The following SAFB2 variants were observed in gnomAD, a reference collection of about 807,000 sequenced individuals.
The protein encoded by SAFB2 is scaffold attachment factor B2.
In SAFB2, 32 loss-of-function variants were observed where a neutral mutation model predicts 100.6. The ratio of observed to expected loss-of-function variants is 0.32; its 90% CI spans 0.24 to 0.43. The LOEUF is 0.43. Ranked by LOEUF, SAFB2 falls within the 20% of genes least tolerant of loss-of-function variation. The pLI is 1.00. For missense variants in SAFB2, 1,185 were observed against 1,163.4 expected (o/e 1.02, Z -0.27); for synonymous variants, 500 against 439.4 (o/e 1.14, Z -1.72).
chr19:5,611,798 GCGCCGCGAC>G, intron 6 of SAFB2, 168 bp from the exon 7 acceptor site: 1 of 606,674 alleles, frequency 1.6e-6, no homozygotes, highest in Non-Finnish European at 3.0e-6. Flanking sequence ...TACACTACCT[GCGCCGCGAC>G]CGCCTCTAGG....
intron 9 of SAFB2, among the ~76,000 whole-genome samples, chr19:5,605,687 G>A (rs746315767): frequency 2.0e-5 from 3 of 152,174 alleles, no homozygotes; most frequent in Non-Finnish European, 2.9e-5. Flanking sequence ...TGAGATGGGA[G>A]AACTAAGCAT....
chr19:5,609,080 A>C (rs2052845377), intron 9 of SAFB2, among the ~76,000 whole-genome samples: 1 of 150,346 alleles, frequency 6.7e-6, no homozygotes, highest in Non-Finnish European at 1.5e-5. Flanking sequence ...AAAAAGAACA[A>C]CAAACAAACA....
Position 5,621,303 on chromosome 19 carries a change from C to A in SAFB2, c.274+6G>T. ...ACTCAAGCCCCAAGCAGCATATGTACAATACCTTTAACACATCTCTTGGCT... is the reference window on the plus strand; with the variant it reads ...ACTCAAGCCCCAAGCAGCATATGTAAAATACCTTTAACACATCTCTTGGCT... On this transcript the variant is annotated splice_donor_region_variant and intron_variant, in intron 2 of 20. Transcript: ENST00000252542. 6.3e-7 allele frequency: 1 copy of A among 1,588,914 alleles called. No individual in the cohort carries two copies. The highest frequency in any genetic ancestry group is 1.1e-5 in the South Asian group (1 of 90,562).
rs1568206582 is a variant in SAFB2, at chr19:5,591,813, C to T, written c.2349-20G>A. 5 of 1,613,784 alleles carry T rather than the reference C, an allele frequency of 3.1e-6. No individual in the cohort carries two copies. Among genetic ancestry groups the T allele is most frequent in the Non-Finnish European group, 4.2e-6 (5 of 1,179,764 alleles). On this transcript the variant is annotated intron_variant, in intron 16 of 20. Coordinates refer to ENST00000252542, the MANE Select transcript of SAFB2 (RefSeq NM_014649.3). The stretch of plus-strand genomic sequence containing the variant: ...TCCCGCCTGCAAAAGGAAAAGATCC[C>T]GTTCAAACAGCACCAGGCACGACTA...
chr19:5,587,629 A>C lies in SAFB2; in HGVS notation c.2705+72T>G, dbSNP rs2052285575. The C allele has an allele frequency of 1.1e-5, 16 of 1,483,884 alleles. No homozygotes were observed. The South Asian group carries it at 1.4e-4, about 13-fold the overall frequency. The allele number at this position is 1,483,884 out of a possible 1,614,324, so 91.9% of individuals were successfully genotyped here. On this transcript the variant is annotated intron_variant, in intron 20 of 20. Coordinates refer to ENST00000252542, the MANE Select transcript of SAFB2 (RefSeq NM_014649.3). This position sits in a 1 kb window ranked among gnomAD's most constrained non-coding sequence, Gnocchi z 4.9. ...TAACATCCAACCCAGCCAGCTGATC[A>C]AACATGCAAAAAAGGGAGAGGAAGT... is the stretch of plus-strand genomic sequence containing the variant.
intron 4 of SAFB2, chr19:5,613,803 T>C: frequency 1.1e-6 from 1 of 898,214 alleles, no homozygotes; most frequent in Non-Finnish European, 1.3e-6. Context: ...AGTTTCTAAG[T>C]ACTGGTGATT....
rs915277258 is a variant in SAFB2 at position 5,605,614 on chromosome 19, A to T, written c.1297-678T>A. Among the ~76,000 whole-genome samples, 3 of 152,210 alleles carry T rather than the reference A, an allele frequency of 2.0e-5. No individual in the cohort carries two copies. In the East Asian group the frequency reaches 5.8e-4, roughly 29 times the overall value. On this transcript the variant is annotated intron_variant, in intron 9 of 20. Transcript: ENST00000252542. Reference sequence around the variant, plus strand: ...ATCCACTCCAGCTGGGCCTGAGAAGAGCTCTGACACAGACATGGACTGTCA... The same window carrying T: ...ATCCACTCCAGCTGGGCCTGAGAAGTGCTCTGACACAGACATGGACTGTCA...
intron 13 of SAFB2, 43 bp downstream of exon 13, chr19:5,598,750 C>G (rs373676835): frequency 1.3e-6 from 2 of 1,561,684 alleles, no homozygotes; most frequent in Non-Finnish European, 8.8e-7. Context: ...GTGGAGCCAT[C>G]GTGAGAAACA....
At chr19:5,622,485 GTGCCC>G (rs753437756) in intron 1 of SAFB2, 40 bp downstream of exon 1, 1 of 1,487,314 alleles carries the variant, frequency 6.7e-7, no homozygotes, top group Middle Eastern at 2.2e-4. Context: ...AGGCGGGGGC[GTGCCC>G]GGGCCTCCTG....
chr19:5,591,149 G>A (rs2052390926), intron 17 of SAFB2: 1 of 152,236 alleles, frequency 6.6e-6, no homozygotes, highest in Non-Finnish European at 1.5e-5. Context: ...AGACCCAAAG[G>A]CTCCCTGAGC....
intron 14 of SAFB2, 143 bp downstream of exon 14, chr19:5,595,218 G>A (rs1271591195): frequency 2.6e-5 from 29 of 1,116,336 alleles, no homozygotes; most frequent in East Asian, 4.9e-5. Flanking sequence ...CCCCTGCCTC[G>A]AGGACCCAGG....
chr19:5,604,464 G>A (rs996201295), intron 11 of SAFB2, 119 bp downstream of exon 11: 19 of 662,448 alleles, frequency 2.9e-5, no homozygotes, highest in Non-Finnish European at 5.3e-6. Flanking sequence ...ACTCCAGCAG[G>A]AAGCTGGCAA....
At position 5,601,573 on chromosome 19, in the gene SAFB2, G is replaced by C. The variant is rs760251556; in HGVS notation, c.1560-1313C>G. Among the ~76,000 whole-genome samples, 101 of 152,230 alleles carry C rather than the reference G, an allele frequency of 6.6e-4. 1 individual carries two copies. The highest frequency in any genetic ancestry group is 1.2e-3 in the Non-Finnish European group (81 of 68,006). On this transcript the variant is annotated intron_variant, in intron 11 of 20. Coordinates refer to ENST00000252542, the MANE Select transcript of SAFB2 (RefSeq NM_014649.3). ...AAAATACAAAAAAATTTAGCCAGGC[G>C]TGGTGGCGCATGCCTGTAATCCCAG...
rs2053028282 is a variant in SAFB2 at position 5,616,269 on chromosome 19, C to T, written c.406G>A (p.Glu136Lys). 3.7e-6 allele frequency: 6 copies of T among 1,614,196 alleles called. No homozygotes were observed. Among genetic ancestry groups the T allele is most frequent in the South Asian group, 1.1e-5 (1 of 91,088 alleles). ...GCACTGCTATTCGCCACTTCAGTTT[C>T]GTCTAGCACACTCATGTCCATCATG... ...MGMMDMSVLD[E>K]TEVANSSAPD... The change falls in exon 4 of 21, where the codon GAA becomes AAA. Residue 136 changes from glutamate (E) to lysine (K), a missense_variant. This residue lies in a region of SAFB2 where 351 missense variants were observed against 341.2 expected (regional missense o/e 1.03). Coordinates refer to ENST00000252542, the MANE Select transcript of SAFB2 (RefSeq NM_014649.3).
Position 5,590,403 on chromosome 19 carries a change from A to C in SAFB2, c.2400T>G (p.Tyr800Ter). The C allele has an allele frequency of 6.2e-7, 1 of 1,609,196 alleles. No individual in the cohort carries two copies. Among genetic ancestry groups the C allele is most frequent in the Non-Finnish European group, 8.5e-7 (1 of 1,177,846 alleles). Residue 800 changes from tyrosine (Y) to a stop codon, truncating the protein, a stop_gained, in exon 18 of 21, where the codon TAT (tyrosine) becomes TAG (stop). Transcript: ENST00000252542. LOFTEE classifies it high-confidence loss of function. ...MMGDHRDGQH[Y>*]GDDRHGHGGP... ...CTCCGTGGCCATGGCGGTCATCTCC[A>C]TAGTGCTGGAAGGCAGGAGAGGAAC...
At chr19:5,589,532 C>T (rs926583391) in intron 18 of SAFB2, among the ~76,000 whole-genome samples, 14 of 152,028 alleles carry the variant, frequency 9.2e-5, no homozygotes, top group Non-Finnish European at 2.1e-4. Context: ...ACAGGACACT[C>T]GGCTCACAGA....
chr19:5,601,985 A>G (rs917124808), intron 11 of SAFB2, among the ~76,000 whole-genome samples: 1 of 152,176 alleles, frequency 6.6e-6, no homozygotes, highest in Admixed American at 6.5e-5. Context: ...CCACTCATCC[A>G]AGATGGCAAA....
intron 1 of SAFB2, 111 bp from the exon 2 acceptor site, chr19:5,621,507 G>A (rs2053146201): frequency 1.3e-6 from 1 of 763,854 alleles, no homozygotes; most frequent in Non-Finnish European, 2.3e-6. Context: ...CTTGCAAAGA[G>A]CAACTCCGGG....
chr19:5,611,698 T>C (rs944479642), intron 6 of SAFB2, 68 bp from the exon 7 acceptor site: 1 of 380,346 alleles, frequency 2.6e-6, no homozygotes, highest in Non-Finnish European at 5.3e-6. Context: ...ATCACAAATG[T>C]GGAACTGGCA....
Sources: allele counts gnomAD v4.1 joint callset (sites outside exome capture counted in the v4.1 genomes callset), GRCh38; gene constraint gnomAD v4.1.1; regional missense constraint gnomAD v4.1.1; non-coding constraint Gnocchi (gnomAD v3.1); transcripts MANE v1.5; gene names NCBI Gene and HGNC (gene_info 2026-07-23, HGNC 2026-07-21).